Variants in RNF130 observed in about 807,000 individuals in gnomAD.
The protein encoded by RNF130 is ring finger protein 130.
In RNF130, 21 loss-of-function variants were observed where a neutral mutation model predicts 44.6. The ratio of observed to expected loss-of-function variants is 0.47; its 90% confidence interval spans 0.33 to 0.68. The LOEUF is 0.68. RNF130 is among the 30% of genes least tolerant of loss of function. The pLI is 0.02. For synonymous variants in RNF130, 214 were observed against 210.4 expected (o/e 1.02, Z -0.15); for missense variants, 479 against 560.6 (o/e 0.85, Z 1.47).
chr5:180,039,301 G>A (rs1247339485), intron 2 of RNF130, among the ~76,000 whole-genome samples: 1 of 151,698 alleles, frequency 6.6e-6, no homozygotes, highest in Non-Finnish European at 1.5e-5. Flanking sequence ...GTGCAGTGGT[G>A]TGATCTCAGC....
At chr5:180,062,290 G>A (rs971477266) in intron 1 of RNF130, among the ~76,000 whole-genome samples, 1 of 151,914 alleles carries the variant, frequency 6.6e-6, no homozygotes, top group African/African-American at 2.4e-5. Context: ...TCGATCTCCT[G>A]ACCTCGTGAT....
intron 3 of RNF130, among the ~76,000 whole-genome samples, chr5:179,994,955 C>A (rs1763170812): frequency 6.6e-6 from 1 of 152,102 alleles, no homozygotes; most frequent in African/African-American, 2.4e-5. Flanking sequence ...TTACACTCAG[C>A]CTTGGGGGAG....
intron 1 of RNF130, among the ~76,000 whole-genome samples, chr5:180,064,526 T>C (rs773068963): frequency 2.0e-5 from 3 of 152,240 alleles, no homozygotes; most frequent in African/African-American, 4.8e-5. Context: ...TTTGCCAACT[T>C]TGGAAATTGT....
intron 2 of RNF130, among the ~76,000 whole-genome samples, chr5:180,029,511 C>G (rs1339677883): frequency 2.0e-5 from 3 of 152,184 alleles, no homozygotes; most frequent in Non-Finnish European, 4.4e-5. Flanking sequence ...TTTTCACACA[C>G]TAAGATGAGT....
chr5:179,970,300 T>C (rs548794356), intron 6 of RNF130, 110 bp downstream of exon 6: 1 of 751,690 alleles, frequency 1.3e-6, no homozygotes, highest in South Asian at 2.7e-5. Flanking sequence ...ATAGCCAGTG[T>C]TTTCTTCTGT....
At chr5:179,915,491 T>C (rs1761531541) in exon 8 of RNF130, 1 of 152,324 alleles carries the variant, frequency 6.6e-6, no homozygotes. Context: ...AGACCCAAAG[T>C]ATCCCCACAG....
At chr5:179,995,351 T>C (rs777993554) in intron 3 of RNF130, among the ~76,000 whole-genome samples, 3 of 152,264 alleles carry the variant, frequency 2.0e-5, no homozygotes, top group Non-Finnish European at 4.4e-5. Context: ...AGTCCCATGA[T>C]GGGGGTGCAG....
intron 2 of RNF130, among the ~76,000 whole-genome samples, chr5:180,020,431 C>G (rs1307426689): frequency 6.6e-6 from 1 of 152,176 alleles, no homozygotes; most frequent in Non-Finnish European, 1.5e-5. Flanking sequence ...TCCCTCAGCA[C>G]CCACAGACGC....
chr5:180,018,305 A>G (rs1166027073), intron 2 of RNF130, among the ~76,000 whole-genome samples: 1 of 151,826 alleles, frequency 6.6e-6, no homozygotes, highest in East Asian at 1.9e-4. Context: ...AAAAAAAAAA[A>G]AAAGAAAAGA....
chr5:179,933,660 C>A, intron 7 of RNF130: 1 of 288,048 alleles, frequency 3.5e-6, no homozygotes, highest in East Asian at 1.0e-4. Context: ...TAGCTGAGAC[C>A]ACAGTCACGC....
At chr5:179,973,642 C>T (rs1003946576) in intron 5 of RNF130, among the ~76,000 whole-genome samples, 11 of 152,184 alleles carry the variant, frequency 7.2e-5, no homozygotes, top group African/African-American at 2.7e-4. Flanking sequence ...CCGCGCTCAC[C>T]CTCACTATGG....
At chr5:180,003,727 G>T (rs248319) in intron 3 of RNF130, among the ~76,000 whole-genome samples, 49,891 of 151,796 alleles carry the variant, frequency 0.33, 8,527 homozygotes, top group East Asian at 0.44. Context: ...ATTTGCATCC[G>T]GCTAACTCTC....
At chr5:180,060,430 G>A (rs74507840) in intron 1 of RNF130, among the ~76,000 whole-genome samples, 12,784 of 152,216 alleles carry the variant, frequency 0.084, 741 homozygotes, top group East Asian at 0.21. Context: ...GTCTTTTATG[G>A]TATCATAAGC....
chr5:180,070,842 C>T (rs1765237839), intron 1 of RNF130, among the ~76,000 whole-genome samples: 1 of 152,178 alleles, frequency 6.6e-6, no homozygotes, highest in Non-Finnish European at 1.5e-5. Context: ...GCACCCGTGA[C>T]CTGAAAAGCC....
rs531858637 is a variant in RNF130, at chr5:180,055,476, G to A, written c.248-14829C>T. Among the ~76,000 whole-genome samples the A allele has an allele frequency of 1.7e-4, 26 of 151,872 alleles. No individual in the cohort carries two copies. The South Asian group carries it at 2.7e-3, about 16-fold the overall frequency. On this transcript the variant is annotated intron_variant, in intron 1 of 8. Transcript: ENST00000521389. ...TGCGTGTGTGTGTGTGTGTGCGCGC[G>A]CGCACGCGTATGTGTCTGTGTGTCT...
chr5:179,954,263 G>C (rs1462250427), downstream of RNF130, among the ~76,000 whole-genome samples: 2 of 152,168 alleles, frequency 1.3e-5, no homozygotes, highest in Non-Finnish European at 2.9e-5. Context: ...AAAGAGAACT[G>C]AAAATATATG....
At chr5:179,989,640 A>C (rs946160328) in intron 3 of RNF130, among the ~76,000 whole-genome samples, 1 of 152,110 alleles carries the variant, frequency 6.6e-6, no homozygotes, top group East Asian at 1.9e-4. Context: ...CTGTGTGTCT[A>C]GGTATCACAC....
At chr5:179,968,190 G>A (rs755984499) in intron 6 of RNF130, among the ~76,000 whole-genome samples, 7 of 152,150 alleles carry the variant, frequency 4.6e-5, no homozygotes, top group Non-Finnish European at 1.0e-4. Context: ...AGCTACTCGG[G>A]AGGCTGAGGC....
intron 3 of RNF130, among the ~76,000 whole-genome samples, chr5:179,992,544 G>T (rs552340149): frequency 5.9e-5 from 9 of 152,126 alleles, no homozygotes. Context: ...TATCTTACTT[G>T]ACATTTTGAG....
Sources: gnomAD v4.1 joint callset for allele counts (sites outside exome capture counted in the v4.1 genomes callset) on GRCh38, gnomAD v4.1.1 for gene constraint, MANE v1.5 for transcripts, NCBI Gene and HGNC (gene_info 2026-07-23, HGNC 2026-07-21) for gene names.